GRB2: variants seen among roughly 807,000 people sequenced by gnomAD.
GRB2 encodes growth factor receptor bound protein 2, also known as growth factor receptor-bound protein 2.
Under a neutral mutation model 27.4 loss-of-function variants are expected in GRB2, and 2 were observed. That is an observed-to-expected ratio of 0.07 (90% CI 0.03 to 0.23). GRB2 has a LOEUF of 0.23. GRB2 is among the 10% of genes least tolerant of loss of function. The pLI, the probability that GRB2 is intolerant of heterozygous loss-of-function variation, is 1.00. For missense variants in GRB2, 102 were observed against 282.4 expected, an observed-to-expected ratio of 0.36 and a Z score of 4.58; for synonymous variants, 94 against 99.6, an observed-to-expected ratio of 0.94 and a Z score of 0.33.
chr17:75,345,179 AC>A (rs1301230716), intron 2 of GRB2, among the ~76,000 whole-genome samples: 5 of 151,916 alleles, frequency 3.3e-5, no homozygotes, highest in African/African-American at 4.8e-5. Context: ...AGTAGCTGGG[AC>A]TACAGGCGCC....
chr17:75,319,332 A>C lies in GRB2; in HGVS notation c.*1036T>G, dbSNP rs1042171337. 26 of 148,722 alleles carry C rather than the reference A, an allele frequency of 1.7e-4. No homozygotes were observed. Among genetic ancestry groups the C allele is most frequent in the African/African-American group, 5.2e-4 (21 of 40,604 alleles). The allele number at this position is 148,722 out of a possible 1,614,324, so 9.2% of individuals were successfully genotyped here. Reference sequence around the variant, plus strand: ...AAAACAAATTAAAAAAAAAAAAAAAACACCACTCAGAAGCAACCCTTGAAA... The same window carrying C: ...AAAACAAATTAAAAAAAAAAAAAAACCACCACTCAGAAGCAACCCTTGAAA... On this transcript the variant is annotated 3_prime_UTR_variant, in exon 6 of 6. Coordinates refer to ENST00000316804, the MANE Select transcript of GRB2 (RefSeq NM_002086.5).
intron 3 of GRB2, chr17:75,326,238 C>T (rs992598405): frequency 1.2e-5 from 7 of 567,606 alleles, no homozygotes; most frequent in Admixed American, 1.2e-4. Context: ...AAGCGACTCA[C>T]CAAGGCACTA....
chr17:75,388,385 G>A (rs755789159), intron 2 of GRB2, among the ~76,000 whole-genome samples: 1 of 152,000 alleles, frequency 6.6e-6, no homozygotes, highest in Non-Finnish European at 1.5e-5. Flanking sequence ...ATTCAGGCGT[G>A]AGCCACCACG....
intron 5 of GRB2, 126 bp downstream of exon 5, chr17:75,321,533 A>G: frequency 1.3e-6 from 1 of 795,594 alleles, no homozygotes; most frequent in Non-Finnish European, 2.1e-6. Context: ...AGGAGCACAG[A>G]AGCCCCAGCG....
intron 2 of GRB2, among the ~76,000 whole-genome samples, chr17:75,377,414 A>T (rs1436711068): frequency 6.6e-6 from 1 of 151,610 alleles, no homozygotes; most frequent in Non-Finnish European, 1.5e-5. Context: ...TGAGGCCATG[A>T]GTTCGAGATC....
At chr17:75,370,715 G>A (rs1479500137) in intron 2 of GRB2, among the ~76,000 whole-genome samples, 2 of 152,180 alleles carry the variant, frequency 1.3e-5, no homozygotes, top group Non-Finnish European at 2.9e-5. Flanking sequence ...CTGCAAAGCT[G>A]TTCTTTGGCA....
intron 2 of GRB2, among the ~76,000 whole-genome samples, chr17:75,334,049 G>A (rs2078559276): frequency 6.6e-6 from 1 of 152,160 alleles, no homozygotes; most frequent in African/African-American, 2.4e-5. Flanking sequence ...TCCTTATCAT[G>A]ATGGATACGT....
At chr17:75,397,845 A>G (rs1598258138) in intron 1 of GRB2, among the ~76,000 whole-genome samples, 1 of 151,298 alleles carries the variant, frequency 6.6e-6, no homozygotes, top group Non-Finnish European at 1.5e-5. Context: ...TTATTTATTT[A>G]TTTATTTATT....
At chr17:75,373,885 C>T (rs2078873308) in intron 2 of GRB2, 1 of 147,438 alleles carries the variant, frequency 6.8e-6, no homozygotes, top group Non-Finnish European at 1.5e-5. Flanking sequence ...GCTCCGCTTC[C>T]CAGGCTCATG....
Position 75,320,992 on chromosome 17 carries a change from G to C in GRB2, c.469-439C>G, listed in dbSNP as rs561396017. Among the ~76,000 whole-genome samples, 2 of 151,980 alleles carry C rather than the reference G, an allele frequency of 1.3e-5. No individual in the cohort carries two copies. Among genetic ancestry groups the C allele is most frequent in the East Asian group, 3.8e-4 (2 of 5,196 alleles). On this transcript the variant is annotated intron_variant, in intron 5 of 5. Coordinates refer to ENST00000316804, the MANE Select transcript of GRB2 (RefSeq NM_002086.5). The surrounding 1 kb of genome is among the most constrained non-coding windows in gnomAD (Gnocchi z 4.3). ...TAACCGTAACTTACGACCAGGGCTC[G>C]AGGGACAGGAACGGGTGCCGACCCC...
intron 2 of GRB2, among the ~76,000 whole-genome samples, chr17:75,350,155 C>CT (rs1334964959): frequency 3.4e-5 from 5 of 147,858 alleles, no homozygotes; most frequent in Non-Finnish European, 7.4e-5. Context: ...CAGTTTAAGG[C>CT]TATAGTGTGC....
At chr17:75,355,100 G>A (rs779893314) in intron 2 of GRB2, among the ~76,000 whole-genome samples, 22 of 152,142 alleles carry the variant, frequency 1.4e-4, no homozygotes, top group Non-Finnish European at 2.8e-4. Context: ...GAGCCACCGC[G>A]CCTGGCCAGG....
At chr17:75,380,098 T>C (rs930794188) in intron 2 of GRB2, among the ~76,000 whole-genome samples, 2 of 152,244 alleles carry the variant, frequency 1.3e-5, no homozygotes, top group African/African-American at 2.4e-5. Context: ...GTTTATCTTA[T>C]TAGATTCTAC....
Position 75,356,658 on chromosome 17 carries a change from G to A in GRB2, c.79-23861C>T, listed in dbSNP as rs115095540. On this transcript the variant is annotated intron_variant, in intron 2 of 5. Transcript: ENST00000316804. ...TGAACCAGCTTCCAAGCACGATTCC[G>A]CTCGTACCACTCTACTGAAACTACT... Among the ~76,000 whole-genome samples the A allele has an allele frequency of 4.4e-3, 673 of 152,138 alleles. 7 individuals are homozygous for A. The highest frequency in any genetic ancestry group is 0.015 in the African/African-American group (630 of 41,460).
At chr17:75,393,037 T>C (rs1403487525) in intron 2 of GRB2, among the ~76,000 whole-genome samples, 1 of 152,186 alleles carries the variant, frequency 6.6e-6, no homozygotes, top group South Asian at 2.1e-4. Flanking sequence ...AGAATAAAAA[T>C]ACACTGAAGT....
chr17:75,325,181 A>G (rs988208942), intron 4 of GRB2, among the ~76,000 whole-genome samples: 1 of 152,194 alleles, frequency 6.6e-6, no homozygotes, highest in Non-Finnish European at 1.5e-5. Context: ...TGTTGAATCT[A>G]ATTACTTCTT....
intron 1 of GRB2, among the ~76,000 whole-genome samples, chr17:75,400,528 G>A (rs1402172127): frequency 6.6e-6 from 1 of 151,944 alleles, no homozygotes; most frequent in African/African-American, 2.4e-5. Context: ...AGGCTGGAAT[G>A]CAGTGGTGTG....
intron 2 of GRB2, among the ~76,000 whole-genome samples, chr17:75,333,535 T>C (rs1331633887): frequency 6.6e-6 from 1 of 152,086 alleles, no homozygotes; most frequent in Non-Finnish European, 1.5e-5. Flanking sequence ...CAGAACCTTT[T>C]ATTAGACTCC....
chr17:75,347,846 A>C (rs9900586), intron 2 of GRB2, among the ~76,000 whole-genome samples: 90,651 of 152,056 alleles, frequency 0.6, 32,381 homozygotes, highest in East Asian at 0.87. Flanking sequence ...CTCTCAATTT[A>C]AGTGTGTCAG....
Sources: allele counts gnomAD v4.1 joint callset (sites outside exome capture counted in the v4.1 genomes callset), GRCh38; gene constraint gnomAD v4.1.1; non-coding constraint Gnocchi (gnomAD v3.1); transcripts MANE v1.5; gene names NCBI Gene and HGNC (gene_info 2026-07-23, HGNC 2026-07-21).